The following GALNT17 variants were observed in gnomAD, a reference collection of about 807,000 sequenced individuals.
The protein encoded by GALNT17 is polypeptide N-acetylgalactosaminyltransferase 17.
A neutral mutation model predicts 63.7 loss-of-function variants in GALNT17; 29 were observed. The ratio of observed to expected loss-of-function variants is 0.46; its 90% CI spans 0.34 to 0.62. The LOEUF (loss-of-function observed/expected upper bound fraction) is 0.62, where lower values mean the gene tolerates loss of function less well. Among genes scored for constraint, GALNT17 ranks in the 20% least tolerant of loss-of-function variants. The pLI is 0.01. For synonymous variants in GALNT17, 305 were observed against 318.3 expected (o/e 0.96, Z 0.45); for missense variants, 603 against 799.6 (o/e 0.75, Z 2.97).
At chr7:71,695,958 A>C (rs1791534483) in intron 9 of GALNT17, among the ~76,000 whole-genome samples, 1 of 152,200 alleles carries the variant, frequency 6.6e-6, no homozygotes, top group Non-Finnish European at 1.5e-5. Context: ...AAACTCTGTC[A>C]ATTTCAATAA....
intron 5 of GALNT17, among the ~76,000 whole-genome samples, chr7:71,484,498 A>C (rs1479041652): frequency 1.3e-5 from 2 of 152,122 alleles, no homozygotes; most frequent in East Asian, 3.9e-4. Context: ...AAAAAAAACT[A>C]GTATGTATTG....
intron 1 of GALNT17, among the ~76,000 whole-genome samples, chr7:71,159,117 C>T (rs747395948): frequency 1.8e-3 from 281 of 151,906 alleles, no homozygotes; most frequent in Non-Finnish European, 2.7e-3. Context: ...CATAAACCCC[C>T]ATCTCCTACA....
chr7:71,285,293 T>C (rs1233032280), intron 1 of GALNT17, among the ~76,000 whole-genome samples: 2 of 152,216 alleles, frequency 1.3e-5, no homozygotes, highest in African/African-American at 4.8e-5. Context: ...AAAAAGGTAA[T>C]TCATTCCTTC....
chr7:71,422,193 C>T (rs1181769018), intron 5 of GALNT17, among the ~76,000 whole-genome samples: 1 of 152,038 alleles, frequency 6.6e-6, no homozygotes, highest in East Asian at 1.9e-4. Flanking sequence ...CTTGGGAGAT[C>T]CATGTCCTTG....
intron 2 of GALNT17, among the ~76,000 whole-genome samples, chr7:71,347,139 C>G (rs1368537246): frequency 6.6e-6 from 1 of 152,080 alleles, no homozygotes; most frequent in African/African-American, 2.4e-5. Context: ...TCCTGCAGTA[C>G]TTATGGGTGA....
intron 10 of GALNT17, among the ~76,000 whole-genome samples, chr7:71,711,439 G>T (rs1791790176): frequency 6.6e-6 from 1 of 152,020 alleles, no homozygotes; most frequent in South Asian, 2.1e-4. Flanking sequence ...TTGATTCTCT[G>T]CAAGAAGCTA....
chr7:71,271,313 C>T (rs1450669437), intron 1 of GALNT17, among the ~76,000 whole-genome samples: 3 of 152,210 alleles, frequency 2.0e-5, no homozygotes, highest in South Asian at 2.1e-4. Context: ...TTAGGGTGCA[C>T]GGGGCACAGT....
At chr7:71,137,435 G>A (rs1194795337) in intron 1 of GALNT17, among the ~76,000 whole-genome samples, 2 of 152,074 alleles carry the variant, frequency 1.3e-5, no homozygotes, top group African/African-American at 2.4e-5. Context: ...CACCGCGCCC[G>A]GCCATTTTGG....
intron 1 of GALNT17, among the ~76,000 whole-genome samples, chr7:71,241,889 A>C (rs994651866): frequency 4.6e-5 from 7 of 151,886 alleles, no homozygotes; most frequent in South Asian, 2.1e-4. Context: ...ACCTTATCCC[A>C]AAAAAAAGAA....
chr7:71,632,528 G>C (rs1020215826), intron 6 of GALNT17, among the ~76,000 whole-genome samples: 1 of 152,198 alleles, frequency 6.6e-6, no homozygotes, highest in Non-Finnish European at 1.5e-5. Context: ...AAGCTCAAAA[G>C]CACAAGCACT....
At chr7:71,476,699 CTAGT>C (rs1301957141) in intron 5 of GALNT17, among the ~76,000 whole-genome samples, 1 of 152,040 alleles carries the variant, frequency 6.6e-6, no homozygotes, top group Non-Finnish European at 1.5e-5. Flanking sequence ...CTATTGATGT[CTAGT>C]TGGTAGAGAG....
At chr7:71,443,348 G>A (rs1013905947) in intron 5 of GALNT17, among the ~76,000 whole-genome samples, 1 of 152,250 alleles carries the variant, frequency 6.6e-6, no homozygotes, top group Middle Eastern at 3.4e-3. Context: ...TGTAGAGTTA[G>A]GATATTTGTC....
chr7:71,266,098 T>A (rs1042855342), intron 1 of GALNT17, among the ~76,000 whole-genome samples: 1 of 152,146 alleles, frequency 6.6e-6, no homozygotes, highest in Non-Finnish European at 1.5e-5. Context: ...ATCACTTTAG[T>A]CTCTGCATCT....
At chr7:71,673,473 A>T (rs926201715) in intron 8 of GALNT17, among the ~76,000 whole-genome samples, 9 of 152,216 alleles carry the variant, frequency 5.9e-5, no homozygotes, top group Non-Finnish European at 1.3e-4. Context: ...TGATAATAGC[A>T]TTGGGAAATG....
chr7:71,628,374 G>A (rs1324573070), intron 6 of GALNT17, among the ~76,000 whole-genome samples: 2 of 151,960 alleles, frequency 1.3e-5, no homozygotes, highest in East Asian at 2.0e-4. Flanking sequence ...CCAGACTGGA[G>A]TGCAGTGACA....
At chr7:71,364,059 G>A (rs1019144151) in intron 2 of GALNT17, among the ~76,000 whole-genome samples, 4 of 152,102 alleles carry the variant, frequency 2.6e-5, no homozygotes, top group African/African-American at 7.2e-5. Flanking sequence ...GGTGGTATTT[G>A]GTTACATGAG....
intron 1 of GALNT17, among the ~76,000 whole-genome samples, chr7:71,295,092 C>T (rs1405738704): frequency 1.3e-5 from 2 of 152,116 alleles, no homozygotes; most frequent in African/African-American, 4.8e-5. Context: ...CTCTGAGTCC[C>T]TTACAATGGG....
intron 9 of GALNT17, among the ~76,000 whole-genome samples, chr7:71,683,332 C>A (rs1245153629): frequency 6.6e-6 from 1 of 152,126 alleles, no homozygotes; most frequent in African/African-American, 2.4e-5. Flanking sequence ...AAACCCACTC[C>A]TTCTGTGCAA....
At chr7:71,174,710 A>C (rs1403905940) in intron 1 of GALNT17, among the ~76,000 whole-genome samples, 2 of 152,152 alleles carry the variant, frequency 1.3e-5, no homozygotes, top group Non-Finnish European at 2.9e-5. Context: ...GAGATTACAA[A>C]GTGCATTGAT....
Sources: gnomAD v4.1 joint callset for allele counts (sites outside exome capture counted in the v4.1 genomes callset) on GRCh38, gnomAD v4.1.1 for gene constraint, MANE v1.5 for transcripts, NCBI Gene and HGNC (gene_info 2026-07-23, HGNC 2026-07-21) for gene names.